PGM1: variants seen among roughly 807,000 people sequenced by gnomAD.
The protein encoded by PGM1 is phosphoglucomutase 1.
PGM1 carries 52 observed loss-of-function variants against 55.6 expected under a neutral mutation model. The observed-to-expected ratio is 0.94, with a 90% CI of 0.75 to 1.18. The LOEUF is 1.18. Ranked by LOEUF, PGM1 falls within the 50% of genes most tolerant of loss-of-function variation. PGM1 has a pLI of 0.00. For synonymous variants in PGM1, 287 were observed against 271.7 expected, an observed-to-expected ratio of 1.06 and a Z score of -0.55; for missense variants, 724 against 729.3, an observed-to-expected ratio of 0.99 and a Z score of 0.08.
intron 1 of PGM1, among the ~76,000 whole-genome samples, chr1:63,615,718 T>C (rs12037577): frequency 0.16 from 23,776 of 151,632 alleles, 3,658 homozygotes; most frequent in African/African-American, 0.4. Flanking sequence ...CCTGCCACCA[T>C]GCCTGGCTAA....
Position 63,593,642 on chromosome 1 carries a change from C to T in PGM1, c.154C>T (p.Arg52Trp). 6.2e-7 allele frequency: 1 copy of T among 1,611,046 alleles called. No homozygotes were observed. Among genetic ancestry groups the T allele is most frequent in the South Asian group, 1.1e-5 (1 of 90,694 alleles). The change falls in exon 1 of 11, where the codon CGG becomes TGG. Residue 52 changes from arginine to tryptophan, a missense_variant. Physicochemically the swap from Arg to Trp is moderately radical, Grantham distance 101. Around this residue, in one of 3 missense-constraint regions of PGM1, gnomAD observed 379 missense variants for 357.5 expected, o/e 1.06. Transcript: ENST00000371084. ...SIISTVEPAQ[R>W]QEATLVVGGD... ...CATCTCCACCGTGGAGCCGGCGCAG[C>T]GGCAGGAGGCCACGCTGGTGGTGGG...
At chr1:63,655,742 G>A (rs941742971) in intron 10 of PGM1, 2 of 152,260 alleles carry the variant, frequency 1.3e-5, no homozygotes, top group Non-Finnish European at 2.9e-5. Context: ...GCACCATAAA[G>A]GCTCCAAGAT....
intron 1 of PGM1, among the ~76,000 whole-genome samples, chr1:63,597,768 G>A (rs1017618784): frequency 2.0e-5 from 3 of 152,190 alleles, no homozygotes; most frequent in African/African-American, 7.2e-5. Context: ...AAATTGAGGA[G>A]AGTTTAAGCT....
chr1:63,637,910 C>T (rs892804553), intron 6 of PGM1, among the ~76,000 whole-genome samples: 3 of 152,186 alleles, frequency 2.0e-5, no homozygotes, highest in African/African-American at 7.2e-5. Context: ...GCTGACATTG[C>T]TTTCCTGGAA....
At chr1:63,642,169 G>A (rs988577270) in intron 7 of PGM1, among the ~76,000 whole-genome samples, 5 of 152,198 alleles carry the variant, frequency 3.3e-5, no homozygotes, top group African/African-American at 1.2e-4. Flanking sequence ...CTTGCAAAGA[G>A]GTGCAAAGGA....
At chr1:63,613,602 C>T (rs1464479818) in intron 1 of PGM1, among the ~76,000 whole-genome samples, 1 of 152,016 alleles carries the variant, frequency 6.6e-6, no homozygotes, top group South Asian at 2.1e-4. Context: ...TAGGGCCACC[C>T]TAATCCAGTA....
Position 63,660,104 on chromosome 1 carries a change from C to T in PGM1, c.*429C>T, listed in dbSNP as rs1345964322. The T allele has an allele frequency of 4.2e-6, 1 of 237,662 alleles. No individual in the cohort carries two copies. 14.7% of individuals were successfully genotyped at this position (237,662 alleles called of 1,614,324 possible). On this transcript the variant is annotated 3_prime_UTR_variant, in exon 11 of 11. Coordinates refer to ENST00000371084, the MANE Select transcript of PGM1 (RefSeq NM_002633.3). Reference sequence around the variant, plus strand: ...CATTTCCTGTTTACATGTAACCCAACAAAATGCAATTTCTAGTGCCTTCTG... The same window carrying T: ...CATTTCCTGTTTACATGTAACCCAATAAAATGCAATTTCTAGTGCCTTCTG...
At chr1:63,627,987 A>G (rs1570492204) in intron 1 of PGM1, among the ~76,000 whole-genome samples, 1 of 152,298 alleles carries the variant, frequency 6.6e-6, no homozygotes, top group East Asian at 1.9e-4. Flanking sequence ...AGTGTCTGCC[A>G]TAGTACCTTT....
At chr1:63,651,521 T>G in intron 8 of PGM1, 148 bp from the exon 9 acceptor site, 1 of 697,352 alleles carries the variant, frequency 1.4e-6, no homozygotes, top group South Asian at 1.7e-5. Flanking sequence ...CCCCAGTGAC[T>G]GACAGGCCTG....
At chr1:63,652,381 C>T (rs1392027696) in intron 9 of PGM1, among the ~76,000 whole-genome samples, 1 of 152,196 alleles carries the variant, frequency 6.6e-6, no homozygotes, top group Non-Finnish European at 1.5e-5. Flanking sequence ...ATGAGTGGCA[C>T]CCCACCTAAC....
intron 1 of PGM1, among the ~76,000 whole-genome samples, chr1:63,597,095 A>G (rs947871766): frequency 1.3e-5 from 2 of 152,202 alleles, no homozygotes; most frequent in African/African-American, 2.4e-5. Flanking sequence ...GTAAGCAGAC[A>G]GCACAATGTG....
At chr1:63,653,414 T>C (rs1649873836) in intron 9 of PGM1, among the ~76,000 whole-genome samples, 1 of 152,222 alleles carries the variant, frequency 6.6e-6, no homozygotes, top group Non-Finnish European at 1.5e-5. Context: ...GTGTATTTCA[T>C]CTACTGTCTT....
intron 1 of PGM1, among the ~76,000 whole-genome samples, chr1:63,609,548 A>G (rs959844972): frequency 6.6e-6 from 1 of 152,208 alleles, no homozygotes; most frequent in African/African-American, 2.4e-5. Context: ...TTGACTTACC[A>G]TGGAATGATG....
intron 1 of PGM1, among the ~76,000 whole-genome samples, chr1:63,615,317 C>A (rs1447661926): frequency 2.6e-5 from 4 of 152,144 alleles, no homozygotes; most frequent in African/African-American, 9.7e-5. Context: ...TTCACACATA[C>A]CTTTCCTCAT....
intron 1 of PGM1, among the ~76,000 whole-genome samples, chr1:63,627,053 ACC>A (rs56944675): frequency 0.064 from 5,939 of 93,126 alleles, 217 homozygotes; most frequent in East Asian, 0.12. Flanking sequence ...ATATGGCAGG[ACC>A]CCCCCCCCCC....
chr1:63,638,918 C>T (rs1649437357), intron 7 of PGM1, 118 bp downstream of exon 7: 1 of 797,688 alleles, frequency 1.3e-6, no homozygotes, highest in Non-Finnish European at 2.3e-6. Flanking sequence ...TAAATCAAGG[C>T]ACAAATTATT....
At chr1:63,601,120 C>T (rs1305297164) in intron 1 of PGM1, among the ~76,000 whole-genome samples, 2 of 152,126 alleles carry the variant, frequency 1.3e-5, no homozygotes, top group East Asian at 3.9e-4. Flanking sequence ...TACATCATCT[C>T]AGTAGGGGAA....
In PGM1 at chr1:63,630,082, T is replaced by C; in HGVS notation, c.550T>C (p.Phe184Leu). Residue 184 changes from phenylalanine (F) to leucine (L), a missense_variant, in exon 3 of 11, where the codon TTC (phenylalanine) becomes CTC (leucine). Transcript: ENST00000371084. ...QFDLENKFKP[F>L]TVEIVDSVEA... is the part of the protein sequence containing the mutation. ...TGACTTGGAAAATAAGTTCAAACCC[T>C]TCACAGGCATGTTTACTTTCCTCCT... The C allele has an allele frequency of 6.2e-7, 1 of 1,613,970 alleles. No homozygotes were observed. Among genetic ancestry groups the C allele is most frequent in the Non-Finnish European group, 8.5e-7 (1 of 1,179,822 alleles).
Position 63,648,522 on chromosome 1 carries a change from G to C in PGM1, c.1150G>C (p.Asp384His). The C allele has an allele frequency of 1.2e-6, 2 of 1,614,088 alleles. No homozygotes were observed. Among genetic ancestry groups the C allele is most frequent in the African/African-American group, 1.3e-5 (1 of 75,042 alleles). ...CGEESFGTGS[D>H]HIREKDGLWA... ...GCTTGCTGTCCCCCCTCCAGGTTCT[G>C]ACCACATCCGTGAGAAAGATGGACT... is the stretch of plus-strand genomic sequence containing the variant. Residue 384 changes from aspartate (D) to histidine (H), a missense_variant, in exon 8 of 11, where the codon GAC (aspartate) becomes CAC (histidine). Asp to His is a moderately conservative substitution (Grantham distance 81). Coordinates refer to ENST00000371084, the MANE Select transcript of PGM1 (RefSeq NM_002633.3).
Sources: allele counts gnomAD v4.1 joint callset (sites outside exome capture counted in the v4.1 genomes callset), GRCh38; gene constraint gnomAD v4.1.1; regional missense constraint gnomAD v4.1.1; transcripts MANE v1.5; gene names NCBI Gene and HGNC (gene_info 2026-07-23, HGNC 2026-07-21).